The following EVC variants were observed in gnomAD, a reference collection of about 807,000 sequenced individuals.
EVC encodes the protein EvC ciliary complex subunit 1, also known as evC complex member EVC.
EVC carries 116 observed loss-of-function variants against 118.9 expected under a neutral mutation model. The ratio of observed to expected loss-of-function variants is 0.98; its 90% confidence interval spans 0.84 to 1.14. EVC has a LOEUF of 1.14. EVC is among the 50% of genes most tolerant of loss of function. The probability of loss-of-function intolerance (pLI) is 0.00; values close to 1 mark genes in which losing one functional copy is unlikely to be tolerated. For missense variants in EVC, 1,401 were observed against 1,246.4 expected (o/e 1.12, Z -1.87); for synonymous variants, 619 against 534.7 (o/e 1.16, Z -2.18).
intron 15 of EVC, among the ~76,000 whole-genome samples, chr4:5,801,585 C>G (rs1284459747): frequency 2.7e-5 from 4 of 147,170 alleles, no homozygotes; most frequent in South Asian, 2.1e-4. Flanking sequence ...GAGACTGAGG[C>G]AGGAAAATCA....
intron 11 of EVC, among the ~76,000 whole-genome samples, chr4:5,778,424 A>G (rs896125255): frequency 1.3e-5 from 2 of 151,298 alleles, no homozygotes; most frequent in African/African-American, 2.4e-5. Context: ...ACTGACTTCC[A>G]CAATGGTTGA....
At chr4:5,721,180 G>T (rs1236101443) in intron 2 of EVC, among the ~76,000 whole-genome samples, 1 of 152,144 alleles carries the variant, frequency 6.6e-6, no homozygotes, top group African/African-American at 2.4e-5. Context: ...TCTGCTGACA[G>T]ATGTGAAAAC....
At chr4:5,817,449 C>T (rs1301535911), downstream of EVC, among the ~76,000 whole-genome samples, 2 of 152,230 alleles carry the variant, frequency 1.3e-5, no homozygotes, top group African/African-American at 4.8e-5. Context: ...CCACAGCTTT[C>T]CTCCTCTTGG....
downstream of EVC, among the ~76,000 whole-genome samples, chr4:5,816,958 C>T (rs1717802633): frequency 6.6e-6 from 1 of 152,250 alleles, no homozygotes; most frequent in South Asian, 2.1e-4. Context: ...GACTCCTGTC[C>T]ATGTTCTCCT....
chr4:5,748,611 T>TCCAC (rs1379477560), intron 8 of EVC, among the ~76,000 whole-genome samples: 2 of 122,602 alleles, frequency 1.6e-5, no homozygotes, highest in African/African-American at 6.3e-5. Flanking sequence ...CACCCATCCA[T>TCCAC]CCACCCACCC....
intron 5 of EVC, among the ~76,000 whole-genome samples, chr4:5,736,276 G>C (rs1357339348): frequency 6.8e-6 from 1 of 146,802 alleles, no homozygotes; most frequent in African/African-American, 2.6e-5. Context: ...AAATTGCATA[G>C]AACTACACAC....
At chr4:5,802,949 G>A (rs554457890) in intron 16 of EVC, among the ~76,000 whole-genome samples, 9 of 152,206 alleles carry the variant, frequency 5.9e-5, no homozygotes, top group East Asian at 3.9e-4. Flanking sequence ...CAATGATTTC[G>A]TCTGTGAGCT....
At chr4:5,821,925 ACT>A in the EVC span, 1 of 1,386,784 alleles carries the variant, frequency 7.2e-7, no homozygotes, top group South Asian at 1.3e-5. The surrounding 1 kb of genome is among the most constrained non-coding windows in gnomAD (Gnocchi z 4.4). Flanking sequence ...GAGGCCATGT[ACT>A]CTGCCATGCA....
chr4:5,734,812 C>T (rs1192291101), intron 5 of EVC, among the ~76,000 whole-genome samples: 1 of 152,222 alleles, frequency 6.6e-6, no homozygotes, highest in African/African-American at 2.4e-5. Context: ...TTCACCCCCT[C>T]TATCCCCAGC....
intron 11 of EVC, among the ~76,000 whole-genome samples, chr4:5,760,825 T>C (rs1171063403): frequency 6.6e-6 from 1 of 152,172 alleles, no homozygotes; most frequent in Non-Finnish European, 1.5e-5. Flanking sequence ...GTGCTGGGAT[T>C]ATAGGCGTGA....
chr4:5,810,898 C>A (rs1038870711), intron 20 of EVC, 55 bp from the exon 21 acceptor site: 10 of 1,488,558 alleles, frequency 6.7e-6, no homozygotes, highest in Non-Finnish European at 9.3e-6. Flanking sequence ...GTTATGGCAT[C>A]ATGATGGGCA....
At chr4:5,804,681 G>T in intron 16 of EVC, 49 bp from the exon 17 acceptor site, 1 of 1,565,384 alleles carries the variant, frequency 6.4e-7, no homozygotes, top group Non-Finnish European at 8.8e-7. Context: ...ACCTGGCACA[G>T]TGGATCCTCC....
At position 5,731,945 on chromosome 4, in the gene EVC, T is replaced by C. The variant is rs1409277548; in HGVS notation, c.617+288T>C. On this transcript the variant is annotated intron_variant, in intron 4 of 20. Coordinates refer to ENST00000264956, the MANE Select transcript of EVC (RefSeq NM_153717.3). This position sits in a 1 kb window ranked among gnomAD's most constrained non-coding sequence, Gnocchi z 5.6. ...CCAGCTACTGGCGAAGTTGATTAAG[T>C]GGGTACTTCTGAGTACCGGGCAGAG... Among the ~76,000 whole-genome samples the C allele has an allele frequency of 6.6e-6, 1 of 152,170 alleles. No individual in the cohort carries two copies. Among genetic ancestry groups the C allele is most frequent in the Non-Finnish European group, 1.5e-5 (1 of 68,030 alleles).
intron 6 of EVC, 119 bp from the exon 7 acceptor site, chr4:5,745,085 C>G: frequency 1.0e-6 from 1 of 969,568 alleles, no homozygotes; most frequent in Non-Finnish European, 1.5e-6. Flanking sequence ...GAGCATTTAA[C>G]TATTGTTTAA....
intron 2 of EVC, among the ~76,000 whole-genome samples, chr4:5,721,798 C>T (rs981594960): frequency 6.9e-4 from 105 of 152,194 alleles, no homozygotes; most frequent in African/African-American, 2.3e-3. Flanking sequence ...ACCCAGGAGG[C>T]GGAGGTTGCC....
At chr4:5,729,195 T>C (rs536721704) in intron 2 of EVC, 112 bp from the exon 3 acceptor site, 1 of 931,434 alleles carries the variant, frequency 1.1e-6, no homozygotes, top group Non-Finnish European at 1.8e-6. Flanking sequence ...CCTATCATGG[T>C]CCCTTTCTGA....
intron 12 of EVC, among the ~76,000 whole-genome samples, chr4:5,785,465 G>A (rs1736275495): frequency 6.6e-6 from 1 of 152,216 alleles, no homozygotes; most frequent in South Asian, 2.1e-4. Flanking sequence ...ATTCCTTGGG[G>A]CAATAGAAAG....
the EVC span, chr4:5,825,083 C>T: frequency 2.0e-6 from 2 of 985,404 alleles, no homozygotes; most frequent in Non-Finnish European, 2.4e-6. The surrounding 1 kb of genome is among the most constrained non-coding windows in gnomAD (Gnocchi z 4.4). Flanking sequence ...GCTTAGTACA[C>T]TGCAGTGGGT....
chr4:5,783,091 T>C (rs1188947323), intron 11 of EVC, among the ~76,000 whole-genome samples: 1 of 150,592 alleles, frequency 6.6e-6, no homozygotes, highest in South Asian at 2.1e-4. Flanking sequence ...CGTGTGTGCG[T>C]GTGTGTGTGT....
Sources: allele counts gnomAD v4.1 joint callset (sites outside exome capture counted in the v4.1 genomes callset), GRCh38; gene constraint gnomAD v4.1.1; non-coding constraint Gnocchi (gnomAD v3.1); transcripts MANE v1.5; gene names NCBI Gene and HGNC (gene_info 2026-07-23, HGNC 2026-07-21).